CIITA: variants seen among roughly 807,000 people sequenced by gnomAD.
CIITA encodes the protein class II major histocompatibility complex transactivator, also known as MHC class II transactivator.
Under a neutral mutation model 115.1 loss-of-function variants are expected in CIITA, and 72 were observed. That is an observed-to-expected ratio of 0.63 (90% CI 0.52 to 0.76). CIITA has a LOEUF of 0.76. CIITA is among the 30% of genes least tolerant of loss of function. The pLI is 0.00. For missense variants in CIITA, 1,617 were observed against 1,463.8 expected, an observed-to-expected ratio of 1.10 and a Z score of -1.71; for synonymous variants, 763 against 635.6, an observed-to-expected ratio of 1.20 and a Z score of -3.02.
At chr16:10,919,383 G>C (rs1351046996) in intron 16 of CIITA, among the ~76,000 whole-genome samples, 1 of 152,118 alleles carries the variant, frequency 6.6e-6, no homozygotes, top group Admixed American at 6.5e-5. Context: ...TTTTAGTAGA[G>C]ACAGGGTTTC....
At chr16:10,875,278 T>C (rs1305411268), upstream of CIITA, among the ~76,000 whole-genome samples, 1 of 152,210 alleles carries the variant, frequency 6.6e-6, no homozygotes, top group Non-Finnish European at 1.5e-5. Flanking sequence ...ATTTCTGACA[T>C]TCACCATATC....
At chr16:10,888,160 T>C (rs557440015) in intron 1 of CIITA, among the ~76,000 whole-genome samples, 3 of 152,332 alleles carry the variant, frequency 2.0e-5, no homozygotes, top group East Asian at 3.9e-4. Flanking sequence ...TGTGCTGCCT[T>C]AAGCTACTGT....
At chr16:10,883,785 AG>A (rs1887308948) in intron 1 of CIITA, among the ~76,000 whole-genome samples, 1 of 152,236 alleles carries the variant, frequency 6.6e-6, no homozygotes, top group African/African-American at 2.4e-5. Context: ...GGAAGAAAGC[AG>A]GGTTGGGAAG....
chr16:10,937,168 G>C (rs567123326), downstream of CIITA: 14 of 152,428 alleles, frequency 9.2e-5, no homozygotes, highest in African/African-American at 3.1e-4. This position sits in a 1 kb window ranked among gnomAD's most constrained non-coding sequence, Gnocchi z 4.2. Context: ...AGGACCTTCT[G>C]GGTGAGCCTC....
intron 15 of CIITA, among the ~76,000 whole-genome samples, chr16:10,917,400 C>A (rs918950565): frequency 4.6e-5 from 7 of 151,630 alleles, no homozygotes; most frequent in African/African-American, 1.5e-4. Context: ...TCTTGAACTT[C>A]TGAGCTCAAG....
chr16:10,939,262 C>T (rs1484951932), downstream of CIITA: 2 of 152,254 alleles, frequency 1.3e-5, no homozygotes, highest in African/African-American at 4.8e-5. The surrounding 1 kb of genome is among the most constrained non-coding windows in gnomAD (Gnocchi z 4.9). Flanking sequence ...GCCTGGACAA[C>T]TAACAGCATC....
intron 13 of CIITA, among the ~76,000 whole-genome samples, chr16:10,910,960 A>C (rs1361256218): frequency 1.6e-5 from 2 of 124,900 alleles, no homozygotes; most frequent in African/African-American, 5.7e-5. Flanking sequence ...AAAGTCTTGC[A>C]TCCCAAGAAG....
intron 5 of CIITA, among the ~76,000 whole-genome samples, chr16:10,900,445 T>C (rs28553568): frequency 0.06 from 9,168 of 152,180 alleles, 873 homozygotes; most frequent in African/African-American, 0.21. Context: ...AAGATTTTAT[T>C]GTGAAAGTTT....
At chr16:10,912,154 A>G (rs6498127) in intron 13 of CIITA, among the ~76,000 whole-genome samples, 116,546 of 151,884 alleles carry the variant, frequency 0.77, 44,812 homozygotes, top group South Asian at 0.88. Flanking sequence ...TTGCTCTGTC[A>G]CCCAGGCTAG....
Position 10,920,121 on chromosome 16 carries a change from C to T in CIITA, c.3149+1595C>T, listed in dbSNP as rs2145099969. ...GGGCAATGGTGGAAGTAGGGGAGGT[C>T]AGGGGAATCCAGATCACACAGGGAG... On this transcript the variant is annotated intron_variant, in intron 16 of 19. Transcript: ENST00000324288. This position sits in a 1 kb window ranked among gnomAD's most constrained non-coding sequence, Gnocchi z 4.5. 6.6e-6 allele frequency among the ~76,000 whole-genome samples: 1 copy of T among 152,284 alleles called. No individual in the cohort carries two copies. Among genetic ancestry groups the T allele is most frequent in the South Asian group, 2.1e-4 (1 of 4,828 alleles).
chr16:10,882,828 C>T (rs559406096), intron 1 of CIITA, among the ~76,000 whole-genome samples: 8 of 150,348 alleles, frequency 5.3e-5, no homozygotes, highest in South Asian at 2.1e-4. Context: ...ACCCAGGAGG[C>T]GGAGATTGCG....
rs182668303 is a variant in CIITA, at chr16:10,870,869, G to A, written c.-21+4550G>A. 1.3e-3 allele frequency among the ~76,000 whole-genome samples: 198 copies of A among 152,354 alleles called. 1 individual carries two copies. Among genetic ancestry groups the A allele is most frequent in the Non-Finnish European group, 2.6e-3 (176 of 68,028 alleles). Reference sequence around the variant, plus strand: ...TCTAACAGCAAGGAGAATGGAACAGGAAGAAGATAAACCAGGGGTTTGAGG... The same window carrying A: ...TCTAACAGCAAGGAGAATGGAACAGAAAGAAGATAAACCAGGGGTTTGAGG... On this transcript the variant is annotated intron_variant, in intron 1 of 5. Coordinates refer to the CIITA transcript ENST00000636238.
At chr16:10,888,619 G>A (rs759103646) in intron 1 of CIITA, 2 of 152,218 alleles carry the variant, frequency 1.3e-5, no homozygotes, top group African/African-American at 2.4e-5. Context: ...CCCCAAAAAG[G>A]ACTTTTGATG....
intron 14 of CIITA, 54 bp from the exon 15 acceptor site, chr16:10,916,313 G>T: frequency 6.4e-7 from 1 of 1,557,330 alleles, no homozygotes; most frequent in Non-Finnish European, 8.8e-7. Flanking sequence ...GGATGGGAAG[G>T]GTCAGATGGC....
At chr16:10,900,292 A>G (rs1224592460) in intron 5 of CIITA, among the ~76,000 whole-genome samples, 1 of 152,004 alleles carries the variant, frequency 6.6e-6, no homozygotes, top group Non-Finnish European at 1.5e-5. Flanking sequence ...TGCTTTCTTC[A>G]TTTACTTCAT....
Position 10,929,669 on chromosome 16 carries a change from G to A in CIITA, c.*5814G>A. On this transcript the variant is annotated 3_prime_UTR_variant, in exon 20 of 20. Coordinates refer to ENST00000324288, the MANE Select transcript of CIITA (RefSeq NM_000246.4). This position sits in a 1 kb window ranked among gnomAD's most constrained non-coding sequence, Gnocchi z 4.3. ...GGCTCGGGAGGCTTGGGGTGGGGCAGGGAAGTCTTCCTCCATCCCTCAAAT... is the reference window on the plus strand; with the variant it reads ...GGCTCGGGAGGCTTGGGGTGGGGCAAGGAAGTCTTCCTCCATCCCTCAAAT... The A allele has an allele frequency of 1.7e-6, 1 of 602,586 alleles. No homozygotes were observed. The highest frequency in any genetic ancestry group is 1.4e-4 in the East Asian group (1 of 7,020). 37.3% of individuals were successfully genotyped at this position (602,586 alleles called of 1,614,324 possible).
At chr16:10,910,414 C>A (rs990529119) in intron 13 of CIITA, among the ~76,000 whole-genome samples, 155 bp downstream of exon 13, 2 of 152,190 alleles carry the variant, frequency 1.3e-5, no homozygotes, top group East Asian at 3.9e-4. Flanking sequence ...TGGAAAGTGA[C>A]CAGTGTGGGC....
In CIITA at chr16:10,907,103, G is replaced by A. The variant is rs766769431; in HGVS notation, c.1611G>A (p.Leu537=). Residue 537 remains leucine, a synonymous_variant, in exon 11 of 20, where the codon CTG becomes CTA. Coordinates refer to ENST00000324288, the MANE Select transcript of CIITA (RefSeq NM_000246.4). The surrounding 1 kb of genome is among the most constrained non-coding windows in gnomAD (Gnocchi z 5.0). ...GLLAGLFQKK[L]LRGCTLLLTA... Reference sequence around the variant, plus strand: ...TGGCCGGCCTTTTCCAGAAGAAGCTGCTCCGAGGTTGCACCCTCCTCCTCA... The same window carrying A: ...TGGCCGGCCTTTTCCAGAAGAAGCTACTCCGAGGTTGCACCCTCCTCCTCA... The A allele has an allele frequency of 6.2e-7, 1 of 1,609,874 alleles. No homozygotes were observed. Among genetic ancestry groups the A allele is most frequent in the Non-Finnish European group, 8.5e-7 (1 of 1,179,780 alleles).
rs535042353 is a variant in CIITA at position 10,935,293 on chromosome 16, C to T, written c.*11438C>T. 7.2e-5 allele frequency: 11 copies of T among 152,338 alleles called. No individual in the cohort carries two copies. Among genetic ancestry groups the T allele is most frequent in the African/African-American group, 2.4e-4 (10 of 41,574 alleles). 9.4% of individuals were successfully genotyped at this position (152,338 alleles called of 1,614,324 possible). A position where few individuals can be genotyped will look rare whatever the true frequency, so the allele number is the denominator to read the frequency against. ...AGCAATTTGCTTTTCAGTTTTTGGT[C>T]AATCCTTATGATTATTTAGAGGAGA... On this transcript the variant is annotated 3_prime_UTR_variant, in exon 20 of 20. Transcript: ENST00000324288.
Sources: gnomAD v4.1 joint callset for allele counts (sites outside exome capture counted in the v4.1 genomes callset) on GRCh38, gnomAD v4.1.1 for gene constraint, Gnocchi (gnomAD v3.1) non-coding constraint, MANE v1.5 for transcripts, NCBI Gene and HGNC (gene_info 2026-07-23, HGNC 2026-07-21) for gene names.